SPATA17: variants seen among roughly 807,000 people sequenced by gnomAD.
SPATA17 encodes spermatogenesis associated 17, also known as spermatogenesis-associated protein 17.
In SPATA17, 53 loss-of-function variants were observed where a neutral mutation model predicts 62.2. The observed-to-expected ratio is 0.85, with a 90% CI of 0.68 to 1.07. The LOEUF (loss-of-function observed/expected upper bound fraction) is 1.07, where lower values mean the gene tolerates loss of function less well. Among genes scored for constraint, SPATA17 ranks in the 50% least tolerant of loss-of-function variants. The probability of loss-of-function intolerance (pLI) is 0.00; values close to 1 mark genes in which losing one functional copy is unlikely to be tolerated. For synonymous variants in SPATA17, 146 were observed against 146.8 expected, an observed-to-expected ratio of 0.99 and a Z score of 0.04; for missense variants, 466 against 425.5, an observed-to-expected ratio of 1.10 and a Z score of -0.84.
At chr1:217,719,257 G>A (rs1420531938) in intron 5 of SPATA17, among the ~76,000 whole-genome samples, 2 of 152,142 alleles carry the variant, frequency 1.3e-5, no homozygotes, top group Non-Finnish European at 2.9e-5. Context: ...CACTATACCC[G>A]TGTAGCAGGA....
At chr1:217,681,236 A>G (rs1671078372) in intron 4 of SPATA17, among the ~76,000 whole-genome samples, 1 of 151,708 alleles carries the variant, frequency 6.6e-6, no homozygotes, top group African/African-American at 2.4e-5. Context: ...AAAAATAAAT[A>G]AATAAATAAA....
intron 9 of SPATA17, among the ~76,000 whole-genome samples, chr1:217,820,934 A>AG (rs1432707940): frequency 6.6e-6 from 1 of 152,040 alleles, no homozygotes; most frequent in Non-Finnish European, 1.5e-5. Flanking sequence ...GCTTCTCGTG[A>AG]GGGATTTTGT....
Position 217,631,425 on chromosome 1 carries a change from A to G in SPATA17, c.47A>G (p.Asn16Ser), listed in dbSNP as rs34652544. 63,951 of 1,614,086 alleles carry G rather than the reference A, an allele frequency of 0.04. 1,544 individuals carry two copies. The highest frequency in any genetic ancestry group is 0.045 in the Non-Finnish European group (52,621 of 1,179,966). Residue 16 changes from asparagine to serine, a missense_variant, in exon 1 of 11, where the codon AAT (asparagine) becomes AGT (serine). Transcript: ENST00000366933. ...RLQARSSTVG[N>S]QYYFRNSVVD... ...CAAGCTAGGTCGTCGACTGTAGGAA[A>G]TCAGTACTACTTTAGGAACAGGTAA...
intron 5 of SPATA17, among the ~76,000 whole-genome samples, chr1:217,704,649 G>T (rs1319567887): frequency 3.3e-5 from 5 of 152,090 alleles, no homozygotes; most frequent in Non-Finnish European, 5.9e-5. Flanking sequence ...AGAACTTGTG[G>T]TATTTGATTT....
At chr1:217,650,874 G>A (rs978770792) in intron 2 of SPATA17, among the ~76,000 whole-genome samples, 3 of 152,188 alleles carry the variant, frequency 2.0e-5, no homozygotes, top group African/African-American at 7.2e-5. Context: ...TAAGTATTGT[G>A]TAATAATAAG....
chr1:217,693,470 G>A (rs1671387065), intron 5 of SPATA17, among the ~76,000 whole-genome samples: 1 of 138,912 alleles, frequency 7.2e-6, no homozygotes, highest in Admixed American at 7.4e-5. Flanking sequence ...TTTTTGAAGG[G>A]TTTTTTGTGT....
At chr1:217,681,182 G>A (rs530349994) in intron 4 of SPATA17, among the ~76,000 whole-genome samples, 23 of 144,188 alleles carry the variant, frequency 1.6e-4, no homozygotes, top group African/African-American at 3.8e-4. Context: ...AACCGAAATC[G>A]CGCCACTGCA....
At chr1:217,756,802 G>A (rs1039780912) in intron 6 of SPATA17, among the ~76,000 whole-genome samples, 1 of 152,070 alleles carries the variant, frequency 6.6e-6, no homozygotes, top group Non-Finnish European at 1.5e-5. Context: ...GAATAAGTGG[G>A]TACTTGTCAT....
intron 5 of SPATA17, among the ~76,000 whole-genome samples, chr1:217,741,765 A>C (rs1330955802): frequency 3.3e-5 from 5 of 152,188 alleles, no homozygotes; most frequent in African/African-American, 1.2e-4. Flanking sequence ...TACTCATTTG[A>C]TCTCAAAAAC....
At chr1:217,766,569 C>A (rs1451412979) in intron 6 of SPATA17, among the ~76,000 whole-genome samples, 2 of 151,662 alleles carry the variant, frequency 1.3e-5, no homozygotes, top group African/African-American at 4.8e-5. Context: ...TAATTGAATA[C>A]CTTGACGCTA....
At chr1:217,856,624 C>T (rs1675792079) in intron 9 of SPATA17, among the ~76,000 whole-genome samples, 1 of 152,194 alleles carries the variant, frequency 6.6e-6, no homozygotes, top group Admixed American at 6.5e-5. Context: ...AACATGTACA[C>T]ATGGTTTGAT....
At chr1:217,726,026 G>A (rs1054994903) in intron 5 of SPATA17, among the ~76,000 whole-genome samples, 1 of 152,054 alleles carries the variant, frequency 6.6e-6, no homozygotes, top group Non-Finnish European at 1.5e-5. Flanking sequence ...TTTATATACA[G>A]GAAAGTAATA....
chr1:217,631,514 A>C, intron 1 of SPATA17, 68 bp downstream of exon 1: 1 of 1,533,066 alleles, frequency 6.5e-7, no homozygotes, highest in Non-Finnish European at 9.0e-7. Context: ...CCTCAGCGGG[A>C]GTTTCCAATT....
intron 5 of SPATA17, among the ~76,000 whole-genome samples, chr1:217,695,959 C>G (rs1026693430): frequency 6.8e-6 from 1 of 147,784 alleles, no homozygotes; most frequent in Non-Finnish European, 1.5e-5. Context: ...TGTCTGTGCC[C>G]TGCCCCCAGA....
intron 3 of SPATA17, among the ~76,000 whole-genome samples, chr1:217,664,300 T>C (rs2102893402): frequency 6.8e-6 from 1 of 146,902 alleles, no homozygotes; most frequent in Non-Finnish European, 1.5e-5. Flanking sequence ...TTTTTTTTTT[T>C]TTTTTTTTTT....
chr1:217,808,904 G>A (rs1674512826), intron 9 of SPATA17, among the ~76,000 whole-genome samples: 2 of 151,858 alleles, frequency 1.3e-5, no homozygotes, highest in Non-Finnish European at 2.9e-5. Flanking sequence ...TTGAAGTAAG[G>A]ATAAGGGGAA....
chr1:217,726,646 A>G (rs1558581405), intron 5 of SPATA17, among the ~76,000 whole-genome samples: 1 of 151,442 alleles, frequency 6.6e-6, no homozygotes, highest in African/African-American at 2.4e-5. Context: ...TATTCTCCTG[A>G]GTTTATGATG....
At chr1:217,699,593 A>G (rs1333810282) in intron 5 of SPATA17, among the ~76,000 whole-genome samples, 1 of 152,122 alleles carries the variant, frequency 6.6e-6, no homozygotes, top group Non-Finnish European at 1.5e-5. Context: ...TTAAAAATGT[A>G]TTCTGGATAC....
At chr1:217,637,366 A>G (rs953333761) in intron 1 of SPATA17, among the ~76,000 whole-genome samples, 10 of 152,150 alleles carry the variant, frequency 6.6e-5, no homozygotes, top group African/African-American at 1.2e-4. Context: ...GGGGATCTTT[A>G]AATTATTAAG....
Sources: allele counts gnomAD v4.1 joint callset (sites outside exome capture counted in the v4.1 genomes callset), GRCh38; gene constraint gnomAD v4.1.1; transcripts MANE v1.5; gene names NCBI Gene and HGNC (gene_info 2026-07-23, HGNC 2026-07-21).